The following RERE variants were observed in gnomAD, a reference collection of about 807,000 sequenced individuals.
RERE encodes the protein arginine-glutamic acid dipeptide repeats protein.
In RERE, 40 loss-of-function variants were observed where a neutral mutation model predicts 146.1. The observed-to-expected ratio is 0.27, with a 90% CI of 0.21 to 0.36. RERE has a LOEUF of 0.36. Among genes scored for constraint, RERE ranks in the 10% least tolerant of loss-of-function variants. The probability of loss-of-function intolerance (pLI) is 1.00; values close to 1 mark genes in which losing one functional copy is unlikely to be tolerated. For synonymous variants in RERE, 1,003 were observed against 866.0 expected (o/e 1.16, Z -2.78); for missense variants, 1,933 against 2,138.7 (o/e 0.90, Z 1.90).
At chr1:8,798,694 T>C (rs1641528870) in intron 1 of RERE, 2 of 164,336 alleles carry the variant, frequency 1.2e-5, no homozygotes, top group African/African-American at 4.8e-5. Context: ...CAAGTCTTTT[T>C]TTTCTTTTTT....
chr1:8,434,984 T>C (rs769138614), intron 11 of RERE: 1 of 152,258 alleles, frequency 6.6e-6, no homozygotes, highest in Non-Finnish European at 1.5e-5. Flanking sequence ...CCACAGAAAC[T>C]GTGAAAGATA....
intron 10 of RERE, among the ~76,000 whole-genome samples, chr1:8,486,773 GAAAA>G (rs1360745723): frequency 1.0e-5 from 1 of 97,550 alleles, no homozygotes; most frequent in Non-Finnish European, 2.2e-5. Context: ...AAAAAAAAAA[GAAAA>G]GAAAGAAAAG....
intron 4 of RERE, among the ~76,000 whole-genome samples, chr1:8,611,440 G>T (rs1570510972): frequency 6.6e-6 from 1 of 151,776 alleles, no homozygotes; most frequent in South Asian, 2.1e-4. Flanking sequence ...AGAGGTGGAG[G>T]TTGCAGTGAG....
chr1:8,579,659 G>C (rs1440253023), intron 4 of RERE, among the ~76,000 whole-genome samples: 2 of 152,188 alleles, frequency 1.3e-5, no homozygotes, highest in Non-Finnish European at 2.9e-5. Context: ...TAGAACAATG[G>C]TTCTTAACTT....
intron 1 of RERE, among the ~76,000 whole-genome samples, chr1:8,705,439 A>G (rs1418107202): frequency 1.3e-5 from 2 of 152,188 alleles, no homozygotes; most frequent in African/African-American, 4.8e-5. Flanking sequence ...AGCCACTCAC[A>G]GACCGTTTAA....
intron 2 of RERE, among the ~76,000 whole-genome samples, chr1:8,640,467 G>A (rs1442612949): frequency 2.0e-5 from 3 of 152,128 alleles, no homozygotes; most frequent in African/African-American, 7.2e-5. Context: ...CTATCACTCT[G>A]TACATAACTG....
chr1:8,550,472 GA>G (rs1186733764), intron 6 of RERE, among the ~76,000 whole-genome samples: 2 of 152,196 alleles, frequency 1.3e-5, no homozygotes, highest in Non-Finnish European at 2.9e-5. Flanking sequence ...GCAAAACTAA[GA>G]GCTCTGAGAC....
chr1:8,599,286 C>T (rs569452084), intron 4 of RERE, among the ~76,000 whole-genome samples: 1 of 152,150 alleles, frequency 6.6e-6, no homozygotes, highest in Non-Finnish European at 1.5e-5. Flanking sequence ...ACCCTGTCCA[C>T]GGTTAAAATC....
chr1:8,438,534 T>C (rs1644202141), intron 11 of RERE, among the ~76,000 whole-genome samples: 1 of 152,208 alleles, frequency 6.6e-6, no homozygotes, highest in Non-Finnish European at 1.5e-5. Context: ...TTTCAGCTAA[T>C]TTTGAAAAAT....
In RERE at chr1:8,356,157, T is replaced by G. The variant is rs1303487755; in HGVS notation, c.4429A>C (p.Asn1477His). The change falls in exon 21 of 23, where the codon AAC (asparagine) becomes CAC (histidine). Residue 1477 changes from asparagine to histidine, a missense_variant. Asn to His is a moderately conservative substitution (Grantham distance 68). Around this residue, in one of 11 missense-constraint regions of RERE, gnomAD observed 133 missense variants for 168.6 expected, o/e 0.79. Transcript: ENST00000400908. This position sits in a 1 kb window ranked among gnomAD's most constrained non-coding sequence, Gnocchi z 5.2. ...RFPYPPGTLP[N>H]PLLGQPPHEH... Reference sequence around the variant, plus strand: ...TGTGGGGGCTGTCCAAGCAGAGGGTTGGGGAGAGTGCCAGGCGGGTAGGGG... The same window carrying G: ...TGTGGGGGCTGTCCAAGCAGAGGGTGGGGGAGAGTGCCAGGCGGGTAGGGG... The G allele has an allele frequency of 3.9e-6, 6 of 1,519,672 alleles. No homozygotes were observed. Among genetic ancestry groups the G allele is most frequent in the Non-Finnish European group, 5.3e-6 (6 of 1,142,400 alleles). 94.1% of individuals were successfully genotyped at this position (1,519,672 alleles called of 1,614,324 possible).
At chr1:8,564,826 A>ATATATATGTGTG (rs1384858524) in intron 4 of RERE, among the ~76,000 whole-genome samples, 1 of 117,838 alleles carries the variant, frequency 8.5e-6, no homozygotes, top group African/African-American at 3.5e-5. Flanking sequence ...GTGTGTGTAT[A>ATATATATGTGTG]TGTGTATGTG....
At chr1:8,803,455 TGA>T (rs1641626208) in intron 1 of RERE, among the ~76,000 whole-genome samples, 1 of 151,680 alleles carries the variant, frequency 6.6e-6, no homozygotes, top group South Asian at 2.1e-4. Context: ...GGGGACAGAG[TGA>T]GACTCTGTCT....
At chr1:8,567,494 C>A (rs760665560) in intron 4 of RERE, among the ~76,000 whole-genome samples, 1 of 152,156 alleles carries the variant, frequency 6.6e-6, no homozygotes, top group Admixed American at 6.5e-5. Context: ...CTTGATGATG[C>A]CTTGTTTGTT....
intron 1 of RERE, among the ~76,000 whole-genome samples, chr1:8,664,000 T>C (rs1490699244): frequency 1.3e-5 from 2 of 152,124 alleles, no homozygotes; most frequent in Non-Finnish European, 2.9e-5. Flanking sequence ...TGCCCCCCAA[T>C]CCTGCCTGTA....
At chr1:8,806,287 T>C (rs189572360) in intron 1 of RERE, among the ~76,000 whole-genome samples, 115 of 152,284 alleles carry the variant, frequency 7.6e-4, no homozygotes, top group African/African-American at 2.7e-3. Context: ...CCCCCAGCAC[T>C]TTGGGAGGCA....
chr1:8,410,985 CCAAATGA>C (rs1200514595), intron 12 of RERE, among the ~76,000 whole-genome samples: 2 of 152,092 alleles, frequency 1.3e-5, no homozygotes, highest in African/African-American at 4.8e-5. Context: ...GTTAAACATT[CCAAATGA>C]CAGATTTCCA....
At chr1:8,800,582 A>C (rs1370005391) in intron 1 of RERE, among the ~76,000 whole-genome samples, 1 of 151,840 alleles carries the variant, frequency 6.6e-6, no homozygotes, top group Non-Finnish European at 1.5e-5. Context: ...ACTCAGGAGG[A>C]TCACTTGAGC....
intron 12 of RERE, among the ~76,000 whole-genome samples, chr1:8,407,253 A>C (rs1643472335): frequency 6.6e-6 from 1 of 152,180 alleles, no homozygotes; most frequent in Non-Finnish European, 1.5e-5. Context: ...CCAGGACCTA[A>C]ACCCAGAAGG....
intron 2 of RERE, among the ~76,000 whole-genome samples, chr1:8,654,031 T>A (rs1647782804): frequency 1.3e-5 from 2 of 150,690 alleles, no homozygotes; most frequent in Admixed American, 1.3e-4. Context: ...GCACTGACTT[T>A]TTTTTTTTTT....
Sources: allele counts gnomAD v4.1 joint callset (sites outside exome capture counted in the v4.1 genomes callset), GRCh38; gene constraint gnomAD v4.1.1; regional missense constraint gnomAD v4.1.1; non-coding constraint Gnocchi (gnomAD v3.1); transcripts MANE v1.5; gene names NCBI Gene and HGNC (gene_info 2026-07-23, HGNC 2026-07-21).